The following C2orf81 variants were observed in gnomAD, a reference collection of about 807,000 sequenced individuals.
C2orf81 encodes chromosome 2 open reading frame 81, also known as uncharacterized protein C2orf81.
In C2orf81, 5 loss-of-function variants were observed where a neutral mutation model predicts 7.9. That is an observed-to-expected ratio of 0.63 (90% CI 0.33 to 1.33). The LOEUF is 1.33. C2orf81 is among the 40% of genes most tolerant of loss of function. The pLI, the probability that C2orf81 is intolerant of heterozygous loss-of-function variation, is 0.05. For synonymous variants in C2orf81, 346 were observed against 367.4 expected, an observed-to-expected ratio of 0.94 and a Z score of 0.66; for missense variants, 781 against 830.4, an observed-to-expected ratio of 0.94 and a Z score of 0.73.
chr2:74,419,934 G>C (rs1194502269), intron 1 of C2orf81, among the ~76,000 whole-genome samples: 2 of 152,154 alleles, frequency 1.3e-5, no homozygotes, highest in Non-Finnish European at 2.9e-5. Flanking sequence ...ACCAGGCCTG[G>C]CTAATTTTTT....
chr2:74,417,466 A>C, intron 1 of C2orf81: 1 of 1,302,446 alleles, frequency 7.7e-7, no homozygotes. Flanking sequence ...GCCACTGCAA[A>C]GAGGGAGTAG....
At chr2:74,418,264 C>A in intron 1 of C2orf81, 1 of 1,602,464 alleles carries the variant, frequency 6.2e-7, no homozygotes, top group Non-Finnish European at 8.5e-7. Flanking sequence ...TCCCTTTGGT[C>A]GGCCCCGAGG....
At position 74,420,842 on chromosome 2, in the gene C2orf81, G is replaced by A. The variant is rs1315484832; in HGVS notation, c.18+701C>T. Among the ~76,000 whole-genome samples, 5 of 134,492 alleles carry A rather than the reference G, an allele frequency of 3.7e-5. No homozygotes were observed. The South Asian group carries it at 1.3e-3, about 35-fold the overall frequency. The allele number at this position is 134,492 out of a possible 152,430, so 88.2% of individuals were successfully genotyped here. A position where few individuals can be genotyped will look rare whatever the true frequency, so the allele number is the denominator to read the frequency against. On this transcript the variant is annotated intron_variant, in intron 1 of 2. Transcript: ENST00000684111. ...GTCACCCAGGCTAGAGCGCAGTGGC[G>A]CGATCTCGGCTCACTGCAACCTCCG...
In C2orf81 at chr2:74,415,994, C is replaced by G; in HGVS notation, c.249+17G>C. On this transcript the variant is annotated intron_variant, in intron 2 of 2. Transcript: ENST00000684111. This position sits in a 1 kb window ranked among gnomAD's most constrained non-coding sequence, Gnocchi z 5.5. ...GGGAGAGGGAGACGAGTCTGAAGGA[C>G]CCGGATCCCGGCCCACCTGCTGAGT... The G allele has an allele frequency of 1.3e-6, 2 of 1,549,824 alleles. No homozygotes were observed. The highest frequency in any genetic ancestry group is 1.7e-6 in the Non-Finnish European group (2 of 1,146,520).
chr2:74,418,045 G>A (rs1383379719), intron 1 of C2orf81: 42 of 529,308 alleles, frequency 7.9e-5, no homozygotes, highest in Middle Eastern at 5.3e-4. Context: ...GGTGGTGATG[G>A]TGGGTGTAGG....
Position 74,415,783 on chromosome 2 carries a change from C to A in C2orf81, c.394G>T (p.Asp132Tyr). The change falls in exon 3 of 3, where the codon GAC becomes TAC. Residue 132 changes from aspartate to tyrosine, a missense_variant. Coordinates refer to ENST00000684111, the MANE Select transcript of C2orf81 (RefSeq NM_001316764.3). This position sits in a 1 kb window ranked among gnomAD's most constrained non-coding sequence, Gnocchi z 5.5. ...GGCACTGAACCCTGAGCCCAGGAGT[C>A]CGTCGTGCATGCCGAAGGCTCCTCG... Reference protein sequence around the residue: ...EDEEPSACTTDSWAQGSVPVL... With the variant: ...EDEEPSACTTYSWAQGSVPVL... The A allele has an allele frequency of 1.9e-6, 3 of 1,551,632 alleles. No homozygotes were observed. Among genetic ancestry groups the A allele is most frequent in the Non-Finnish European group, 2.6e-6 (3 of 1,147,008 alleles).
Position 74,414,549 on chromosome 2 carries a change from G to C in C2orf81, c.1628C>G (p.Pro543Arg), listed in dbSNP as rs1338655491. 1 of 1,541,640 alleles carries C rather than the reference G, an allele frequency of 6.5e-7. No individual in the cohort carries two copies. Among genetic ancestry groups the C allele is most frequent in the African/African-American group, 1.4e-5 (1 of 73,010 alleles). The change falls in exon 3 of 3, where the codon CCT (proline) becomes CGT (arginine). Residue 543 changes from proline (P) to arginine (R), a missense_variant. Coordinates refer to ENST00000684111, the MANE Select transcript of C2orf81 (RefSeq NM_001316764.3). This position sits in a 1 kb window ranked among gnomAD's most constrained non-coding sequence, Gnocchi z 5.3. ...DREGQDPGRWPRTTPPVLEAT... is the reference protein window; with the variant it reads ...DREGQDPGRWRRTTPPVLEAT... ...TTCAAGGACCGGGGGTGTGGTTCGA[G>C]GCCATCTGCCAGGATCCTGGCCCTC...
intron 1 of C2orf81, chr2:74,418,135 G>A: frequency 1.2e-6 from 1 of 840,874 alleles, no homozygotes; most frequent in South Asian, 1.4e-5. Flanking sequence ...CTCCTCCAGT[G>A]AGGACTCCTG....
chr2:74,421,507 T>G (rs930978661), intron 1 of C2orf81, 36 bp downstream of exon 1: 3 of 377,798 alleles, frequency 7.9e-6, no homozygotes, highest in African/African-American at 6.3e-5. Context: ...CGGCCGACCC[T>G]GGCTCTGGCG....
At chr2:74,417,895 G>T (rs1236632766) in intron 1 of C2orf81, among the ~76,000 whole-genome samples, 2 of 152,194 alleles carry the variant, frequency 1.3e-5, no homozygotes, top group South Asian at 2.1e-4. Flanking sequence ...GTGGGTGGAC[G>T]GGGGGAGGAG....
Position 74,414,327 on chromosome 2 carries a change from G to T in C2orf81, c.*2C>A, listed in dbSNP as rs190738453. 3 of 1,475,032 alleles carry T rather than the reference G, an allele frequency of 2.0e-6. No individual in the cohort carries two copies. Among genetic ancestry groups the T allele is most frequent in the South Asian group, 1.4e-5 (1 of 71,672 alleles). 91.4% of individuals were successfully genotyped at this position (1,475,032 alleles called of 1,614,324 possible). A position where few individuals can be genotyped will look rare whatever the true frequency, so the allele number is the denominator to read the frequency against. On this transcript the variant is annotated 3_prime_UTR_variant, in exon 3 of 3. Transcript: ENST00000684111. The surrounding 1 kb of genome is among the most constrained non-coding windows in gnomAD (Gnocchi z 5.3). ...CTGAGTTCTTCATTAGCTGTGCTAC[G>T]GTCACCTGGGCTTTGGGGCACCTGT... is the stretch of plus-strand genomic sequence containing the variant.
intron 1 of C2orf81, chr2:74,418,665 A>G: frequency 1.8e-6 from 1 of 554,228 alleles, no homozygotes; most frequent in Non-Finnish European, 3.2e-6. Flanking sequence ...AGAAGAGCAC[A>G]GCCCCGGCTC....
intron 1 of C2orf81, among the ~76,000 whole-genome samples, chr2:74,420,410 G>A (rs1281754625): frequency 1.3e-5 from 2 of 152,082 alleles, no homozygotes; most frequent in Non-Finnish European, 2.9e-5. Flanking sequence ...CTTCCAAAAT[G>A]TACTTCCAAA....
At chr2:74,418,538 C>T in intron 1 of C2orf81, 9 of 810,318 alleles carry the variant, frequency 1.1e-5, no homozygotes, top group South Asian at 2.9e-5. Flanking sequence ...CCGGGAGCAG[C>T]GGTGCTGGGC....
Position 74,421,531 on chromosome 2 carries a change from A to G in C2orf81, c.18+12T>C, listed in dbSNP as rs1308204388. On this transcript the variant is annotated intron_variant, in intron 1 of 2. Transcript: ENST00000684111. ...CTGGCTCTGGCGCATCCCCAGCTGA[A>G]CTGAAGCTCACCGAGCCTTCGTGCG... 2.5e-6 allele frequency: 1 copy of G among 396,806 alleles called. No individual in the cohort carries two copies. Among genetic ancestry groups the G allele is most frequent in the Non-Finnish European group, 4.5e-6 (1 of 222,648 alleles). The allele number at this position is 396,806 out of a possible 1,614,324, so 24.6% of individuals were successfully genotyped here.
intron 1 of C2orf81, chr2:74,418,642 C>T (rs570979199): frequency 1.9e-5 from 11 of 575,212 alleles, no homozygotes; most frequent in Non-Finnish European, 3.1e-5. Flanking sequence ...AGCCCAGGCT[C>T]GGAGTCCCAC....
In C2orf81 at chr2:74,416,206, G is replaced by T. The variant is rs749115858; in HGVS notation, c.54C>A (p.Thr18=). 1.6e-5 allele frequency: 23 copies of T among 1,419,596 alleles called. No homozygotes were observed. In the East Asian group the frequency reaches 1.7e-4, roughly 11 times the overall value. 87.9% of individuals were successfully genotyped at this position (1,419,596 alleles called of 1,614,324 possible). A position where few individuals can be genotyped will look rare whatever the true frequency, so the allele number is the denominator to read the frequency against. Residue 18 remains threonine (T), a synonymous_variant, in exon 2 of 3, where the codon ACC becomes ACA. Coordinates refer to ENST00000684111, the MANE Select transcript of C2orf81 (RefSeq NM_001316764.3). Reference sequence around the variant, plus strand: ...GCCGCACTTTTTCCGCCTTGGACCGGGTCACCCCGCGGTCTCGGACCTGCC... The same window carrying T: ...GCCGCACTTTTTCCGCCTTGGACCGTGTCACCCCGCGGTCTCGGACCTGCC... The part of the protein sequence containing the change: ...QERQVRDRGV[T]RSKAEKVRPP...
At position 74,415,603 on chromosome 2, in the gene C2orf81, C is replaced by T. The variant is rs2103830512; in HGVS notation, c.574G>A (p.Asp192Asn). 3 of 1,551,196 alleles carry T rather than the reference C, an allele frequency of 1.9e-6. No individual in the cohort carries two copies. Among genetic ancestry groups the T allele is most frequent in the Non-Finnish European group, 1.7e-6 (2 of 1,146,992 alleles). The stretch of plus-strand genomic sequence containing the variant: ...CACGACCTTCCTAAAGGGATCCGGT[C>T]CACGCCCCCAGGGTCCTGGGGAAAT... ...SAFPQDPGGV[D>N]RIPLGRSWMG... Residue 192 changes from aspartate to asparagine, a missense_variant, in exon 3 of 3, where the codon GAC (aspartate) becomes AAC (asparagine). By Grantham distance (23) the Asp-to-Asn change is conservative. Coordinates refer to ENST00000684111, the MANE Select transcript of C2orf81 (RefSeq NM_001316764.3). This position sits in a 1 kb window ranked among gnomAD's most constrained non-coding sequence, Gnocchi z 5.5.
At chr2:74,418,200 C>A in intron 1 of C2orf81, 1 of 1,476,696 alleles carries the variant, frequency 6.8e-7, no homozygotes, top group East Asian at 2.4e-5. Context: ...CCCTTGGTTT[C>A]CTTCCCAGAG....
Sources: gnomAD v4.1 joint callset for allele counts (sites outside exome capture counted in the v4.1 genomes callset) on GRCh38, gnomAD v4.1.1 for gene constraint, Gnocchi (gnomAD v3.1) non-coding constraint, MANE v1.5 for transcripts, NCBI Gene and HGNC (gene_info 2026-07-23, HGNC 2026-07-21) for gene names.